Variants in ARHGEF40 observed in about 807,000 individuals in gnomAD.
ARHGEF40 encodes the protein Rho guanine nucleotide exchange factor (GEF) 40.
A neutral mutation model predicts 165.9 loss-of-function variants in ARHGEF40; 98 were observed. The observed-to-expected ratio is 0.59, with a 90% CI of 0.50 to 0.70. ARHGEF40 has a LOEUF of 0.70. ARHGEF40 is among the 30% of genes least tolerant of loss of function. ARHGEF40 has a pLI of 0.00. For missense variants in ARHGEF40, 1,815 were observed against 1,968.0 expected, an observed-to-expected ratio of 0.92 and a Z score of 1.47; for synonymous variants, 792 against 814.3, an observed-to-expected ratio of 0.97 and a Z score of 0.47.
At position 21,082,865 on chromosome 14, in the gene ARHGEF40, A is replaced by G; in HGVS notation, c.3521A>G (p.Lys1174Arg). The G allele has an allele frequency of 6.2e-7, 1 of 1,614,230 alleles. No individual in the cohort carries two copies. Among genetic ancestry groups the G allele is most frequent in the Non-Finnish European group, 8.5e-7 (1 of 1,180,044 alleles). ...DQFSLYAQYV[K>R]HRHKLENGLA... ...TTCAGCCTTTATGCACAGTACGTGAAGCACCGACACAAACTGGAGAATGGT... is the reference window on the plus strand; with the variant it reads ...TTCAGCCTTTATGCACAGTACGTGAGGCACCGACACAAACTGGAGAATGGT... The change falls in exon 16 of 24, where the codon AAG becomes AGG. Residue 1174 changes from lysine to arginine, a missense_variant. Transcript: ENST00000298694.
rs368639613 is a variant in ARHGEF40 at position 21,070,997 on chromosome 14, T to TG, written c.3+605dup. On this transcript the variant is annotated intron_variant, in intron 1 of 23. Coordinates refer to ENST00000298694, the MANE Select transcript of ARHGEF40 (RefSeq NM_018071.5). The surrounding 1 kb of genome is among the most constrained non-coding windows in gnomAD (Gnocchi z 4.7). ...CTGCCTCAGGATAGTTGGGGGTGCTTGGGGGGGAGCTCACAGTACCAGGGG... is the reference window on the plus strand; with the variant it reads ...CTGCCTCAGGATAGTTGGGGGTGCTTGGGGGGGGAGCTCACAGTACCAGGGG... 891 of 824,802 alleles carry TG rather than the reference T, an allele frequency of 1.1e-3. 5 individuals are homozygous for TG. In the African/African-American group the frequency reaches 0.014, roughly 13 times the overall value. 51.1% of individuals were successfully genotyped at this position (824,802 alleles called of 1,614,324 possible).
In ARHGEF40 at chr14:21,081,584, C is replaced by G. The variant is rs369717723; in HGVS notation, c.2716C>G (p.Leu906Val). 24 of 1,612,040 alleles carry G rather than the reference C, an allele frequency of 1.5e-5. No homozygotes were observed. The highest frequency in any genetic ancestry group is 2.7e-5 in the African/African-American group (2 of 74,910). ...GPGREAVLAA[L>V]ALRRAPEPSA... ...GGGTCGGGAGGCTGTGCTGGCTGCA[C>G]TGGCCCTGCGGCGGGCCCCAGAGCC... is the stretch of plus-strand genomic sequence containing the variant. Residue 906 changes from leucine to valine, a missense_variant, in exon 14 of 24, where the codon CTG (leucine) becomes GTG (valine). Coordinates refer to ENST00000298694, the MANE Select transcript of ARHGEF40 (RefSeq NM_018071.5).
Position 21,074,459 on chromosome 14 carries a change from G to C in ARHGEF40, c.729G>C (p.Val243=). The C allele has an allele frequency of 6.3e-7, 1 of 1,591,988 alleles. No homozygotes were observed. The highest frequency in any genetic ancestry group is 8.5e-7 in the Non-Finnish European group (1 of 1,169,800). Residue 243 remains valine (V), a synonymous_variant, in exon 3 of 24, where the codon GTG becomes GTC. Coordinates refer to ENST00000298694, the MANE Select transcript of ARHGEF40 (RefSeq NM_018071.5). This position sits in a 1 kb window ranked among gnomAD's most constrained non-coding sequence, Gnocchi z 4.8. The part of the protein sequence containing the change: ...APVEGPEGEY[V]ELLEVTLPVR... ...TGGAAGGACCTGAGGGCGAGTATGT[G>C]GAGCTGTTAGAGGTGACGCTGCCCG...
intron 18 of ARHGEF40, 42 bp from the exon 19 acceptor site, chr14:21,085,647 G>T (rs1489246439): frequency 2.5e-6 from 4 of 1,594,962 alleles, no homozygotes; most frequent in Non-Finnish European, 3.4e-6. Flanking sequence ...ACCCAGCCAG[G>T]ACTCACTCTG....
At position 21,074,025 on chromosome 14, in the gene ARHGEF40, C is replaced by T. The variant is rs1359361808; in HGVS notation, c.295C>T (p.Leu99=). The T allele has an allele frequency of 6.2e-7, 1 of 1,614,086 alleles. No homozygotes were observed. The highest frequency in any genetic ancestry group is 1.7e-5 in the Admixed American group (1 of 60,032). ...GCAGCTAGCAGCCCTACCCTGGCAA[C>T]TGCTGCGCCCAGGAGACTTCTATCT... ...VVQLAALPWQ[L]LRPGDFYLQV... Residue 99 remains leucine (L), a synonymous_variant, in exon 3 of 24, where the codon CTG becomes TTG. Coordinates refer to ENST00000298694, the MANE Select transcript of ARHGEF40 (RefSeq NM_018071.5). The surrounding 1 kb of genome is among the most constrained non-coding windows in gnomAD (Gnocchi z 4.8).
chr14:21,078,749 A>T, intron 10 of ARHGEF40, 135 bp from the exon 11 acceptor site: 2 of 1,307,576 alleles, frequency 1.5e-6, no homozygotes, highest in Non-Finnish European at 2.1e-6. Flanking sequence ...AAACCAAAGC[A>T]GTCAGGGTTC....
In ARHGEF40 at chr14:21,083,284, G is replaced by A. The variant is rs543376000; in HGVS notation, c.3573+367G>A. On this transcript the variant is annotated intron_variant, in intron 16 of 23. Coordinates refer to ENST00000298694, the MANE Select transcript of ARHGEF40 (RefSeq NM_018071.5). ...TGGCCGGGCGCGGTGACTCACACCT[G>A]TAATCCCAGCACTTTGGGAGGCCGA... 7.2e-5 allele frequency among the ~76,000 whole-genome samples: 11 copies of A among 152,180 alleles called. No individual in the cohort carries two copies. In the East Asian group the frequency reaches 1.4e-3, roughly 19 times the overall value.
rs1402038747 is a variant in ARHGEF40, at chr14:21,074,221, C to T, written c.491C>T (p.Thr164Ile). 6.2e-7 allele frequency: 1 copy of T among 1,614,146 alleles called. No homozygotes were observed. The highest frequency in any genetic ancestry group is 2.2e-5 in the East Asian group (1 of 44,884). The change falls in exon 3 of 24, where the codon ACC becomes ATC. Residue 164 changes from threonine to isoleucine, a missense_variant. Coordinates refer to ENST00000298694, the MANE Select transcript of ARHGEF40 (RefSeq NM_018071.5). The surrounding 1 kb of genome is among the most constrained non-coding windows in gnomAD (Gnocchi z 4.8). ...GACCGGCCAACAGGTCGCCTCAGTA[C>T]CTGCCTACTGTCTGCGCCCTCTGGG... is the stretch of plus-strand genomic sequence containing the variant. ...NKDRPTGRLS[T>I]CLLSAPSGIQ...
chr14:21,070,143 G>A (rs1192404123), upstream of ARHGEF40: 3 of 218,454 alleles, frequency 1.4e-5, no homozygotes, highest in Non-Finnish European at 2.7e-5. This position sits in a 1 kb window ranked among gnomAD's most constrained non-coding sequence, Gnocchi z 4.7. Context: ...ATCTCGGCGC[G>A]GGAGACAGAG....
chr14:21,078,764 CA>C, intron 10 of ARHGEF40, 119 bp from the exon 11 acceptor site: 3 of 1,416,632 alleles, frequency 2.1e-6, no homozygotes, highest in Non-Finnish European at 2.9e-6. Context: ...GGGTTCAGCC[CA>C]TGCTTTTGAT....
At position 21,074,569 on chromosome 14, in the gene ARHGEF40, A is replaced by G. The variant is rs1264201126; in HGVS notation, c.839A>G (p.Lys280Arg). The change falls in exon 3 of 24, where the codon AAG (lysine) becomes AGG (arginine). Residue 280 changes from lysine to arginine, a missense_variant. Lys to Arg is a conservative substitution (Grantham distance 26). Transcript: ENST00000298694. This position sits in a 1 kb window ranked among gnomAD's most constrained non-coding sequence, Gnocchi z 4.8. Reference sequence around the variant, plus strand: ...CCCACCCGCAAGGGCGCTGGAGGGAAGGGCCGCCACCGGAGACACCGGGCG... The same window carrying G: ...CCCACCCGCAAGGGCGCTGGAGGGAGGGGCCGCCACCGGAGACACCGGGCG... ...TVPTRKGAGG[K>R]GRHRRHRAWM... The G allele has an allele frequency of 6.4e-7, 1 of 1,554,702 alleles. No individual in the cohort carries two copies. Among genetic ancestry groups the G allele is most frequent in the East Asian group, 2.3e-5 (1 of 43,622 alleles).
chr14:21,080,030 T>C (rs1887747590), intron 11 of ARHGEF40, among the ~76,000 whole-genome samples: 1 of 152,086 alleles, frequency 6.6e-6, no homozygotes, highest in South Asian at 2.1e-4. Context: ...TAAAAGTGGT[T>C]ATTGTTGGCA....
At chr14:21,080,557 C>T in intron 11 of ARHGEF40, 103 bp from the exon 12 acceptor site, 1 of 1,346,344 alleles carries the variant, frequency 7.4e-7, no homozygotes, top group Non-Finnish European at 1.0e-6. Flanking sequence ...CAATAGTTCA[C>T]TCAAAGTTCT....
rs370548947 is a variant in ARHGEF40, at chr14:21,087,972, A to G, written c.4392A>G (p.Pro1464=). Residue 1464 remains proline (P), a synonymous_variant, in exon 22 of 24, where the codon CCA becomes CCG. Coordinates refer to ENST00000298694, the MANE Select transcript of ARHGEF40 (RefSeq NM_018071.5). The stretch of plus-strand genomic sequence containing the variant: ...TCACCCTAGCTTCCCCTTCAGCCCC[A>G]GAAACACTTGACTCTTCTGGAGATG... The part of the protein sequence containing the change: ...DLDVKQISLA[P]ETLDSSGDVS... 3.0e-5 allele frequency: 49 copies of G among 1,613,920 alleles called. No homozygotes were observed. Among genetic ancestry groups the G allele is most frequent in the African/African-American group, 4.0e-5 (3 of 74,920 alleles).
rs934460866 is a variant in ARHGEF40, at chr14:21,083,772, C to T, written c.3574-63C>T. ...GGGTATCACCCACCTACCCCCCAAC[C>T]CCTGAGCTTGGCCCCCAGAGGCTCC... is the stretch of plus-strand genomic sequence containing the variant. On this transcript the variant is annotated intron_variant, in intron 16 of 23. Transcript: ENST00000298694. 2.9e-5 allele frequency: 43 copies of T among 1,508,378 alleles called. No homozygotes were observed. The Admixed American group carries it at 7.6e-4, about 27-fold the overall frequency. 93.4% of individuals were successfully genotyped at this position (1,508,378 alleles called of 1,614,324 possible).
rs1886673350 is a variant in ARHGEF40 at position 21,070,600 on chromosome 14, A to C, written c.3+201A>C. On this transcript the variant is annotated intron_variant, in intron 1 of 23. Transcript: ENST00000298694. This position sits in a 1 kb window ranked among gnomAD's most constrained non-coding sequence, Gnocchi z 4.7. ...TCTGTCCCCACCGGGTATTGCCCTC[A>C]CCCTTTCTTCCTCCTCTCCTCCGCC... Among the ~76,000 whole-genome samples, 1 of 147,440 alleles carries C rather than the reference A, an allele frequency of 6.8e-6. No homozygotes were observed. The highest frequency in any genetic ancestry group is 2.5e-5 in the African/African-American group (1 of 39,362).
chr14:21,063,832 C>T, the ARHGEF40 span, among the ~76,000 whole-genome samples: 1 of 152,182 alleles, frequency 6.6e-6, no homozygotes, highest in South Asian at 2.1e-4. Context: ...TCTTTAAAAG[C>T]TCTCTCATTA....
the ARHGEF40 span, among the ~76,000 whole-genome samples, chr14:21,064,908 T>C: frequency 1.3e-5 from 2 of 152,144 alleles, no homozygotes; most frequent in African/African-American, 4.8e-5. Context: ...TGGTGGCTCA[T>C]GCCTGTAATC....
chr14:21,082,913 G>A lies in ARHGEF40; in HGVS notation c.3569G>A (p.Ser1190Asn). 6.2e-7 allele frequency: 1 copy of A among 1,614,072 alleles called. No homozygotes were observed. The highest frequency in any genetic ancestry group is 1.1e-5 in the South Asian group (1 of 91,088). ...GGTCTGGCTGCGCTCAGTCCCTTAA[G>A]CAAGGTAACTTTTTCTCCAACCTTC... ...ENGLAALSPL[S>N]KGSMEAGPYL... Residue 1190 changes from serine (S) to asparagine (N), a missense_variant, in exon 16 of 24, where the codon AGC (serine) becomes AAC (asparagine). Transcript: ENST00000298694.
Sources: allele counts gnomAD v4.1 joint callset (sites outside exome capture counted in the v4.1 genomes callset), GRCh38; gene constraint gnomAD v4.1.1; non-coding constraint Gnocchi (gnomAD v3.1); transcripts MANE v1.5; gene names NCBI Gene and HGNC (gene_info 2026-07-23, HGNC 2026-07-21).